The following VWC2L variants were observed in gnomAD, a reference collection of about 807,000 sequenced individuals.
VWC2L encodes the protein von Willebrand factor C domain-containing protein 2-like.
In VWC2L, 10 loss-of-function variants were observed where a neutral mutation model predicts 21.6. The ratio of observed to expected loss-of-function variants is 0.46; its 90% confidence interval spans 0.29 to 0.78. VWC2L has a LOEUF of 0.78. VWC2L is among the 30% of genes least tolerant of loss of function. The pLI is 0.10. For missense variants in VWC2L, 209 were observed against 277.1 expected, an observed-to-expected ratio of 0.75 and a Z score of 1.74; for synonymous variants, 96 against 94.3, an observed-to-expected ratio of 1.02 and a Z score of -0.10.
chr2:214,475,852 G>A (rs747137880), intron 3 of VWC2L, among the ~76,000 whole-genome samples: 1 of 152,066 alleles, frequency 6.6e-6, no homozygotes, highest in Non-Finnish European at 1.5e-5. Context: ...AGAAGTAACT[G>A]ATTGCAAAGG....
At chr2:214,438,347 A>G (rs973125934) in intron 3 of VWC2L, among the ~76,000 whole-genome samples, 5 of 152,022 alleles carry the variant, frequency 3.3e-5, no homozygotes, top group East Asian at 1.9e-4. Context: ...TACCTAATCA[A>G]TCTTTAAAAA....
intron 3 of VWC2L, among the ~76,000 whole-genome samples, chr2:214,535,878 CA>C (rs1689519535): frequency 6.6e-6 from 1 of 151,968 alleles, no homozygotes; most frequent in Non-Finnish European, 1.5e-5. Context: ...CCTTATAAGG[CA>C]GGCAATATAT....
intron 3 of VWC2L, among the ~76,000 whole-genome samples, chr2:214,560,458 G>A (rs542784070): frequency 6.6e-6 from 1 of 152,248 alleles, no homozygotes; most frequent in Non-Finnish European, 1.5e-5. Context: ...GTGAGAACAT[G>A]ACTTCCATTG....
chr2:214,428,814 C>CAA (rs11431112), intron 2 of VWC2L, among the ~76,000 whole-genome samples: 2,737 of 98,086 alleles, frequency 0.028, 123 homozygotes, highest in East Asian at 0.13. Context: ...CAGACAGTGG[C>CAA]AAAAAAAAAA....
Position 214,576,588 on chromosome 2 carries a change from A to G in VWC2L, c.*768A>G, listed in dbSNP as rs1329173732. The G allele has an allele frequency of 1.3e-5, 2 of 152,214 alleles. No homozygotes were observed. The highest frequency in any genetic ancestry group is 4.8e-5 in the African/African-American group (2 of 41,462). The allele number at this position is 152,214 out of a possible 1,614,324, so 9.4% of individuals were successfully genotyped here. On this transcript the variant is annotated 3_prime_UTR_variant, in exon 4 of 4. Coordinates refer to ENST00000312504, the MANE Select transcript of VWC2L (RefSeq NM_001080500.4). ...TCAACTAAAGAATCCAAAGAGAGAC[A>G]GATCTTTAAAATTGTAGCATTAATC...
chr2:214,497,088 G>A (rs1308064216), intron 3 of VWC2L, among the ~76,000 whole-genome samples: 1 of 152,108 alleles, frequency 6.6e-6, no homozygotes, highest in Non-Finnish European at 1.5e-5. Flanking sequence ...ATTTCAAAAG[G>A]TTGAATAAGC....
chr2:214,565,789 A>G (rs192414733), intron 3 of VWC2L, among the ~76,000 whole-genome samples: 1 of 152,302 alleles, frequency 6.6e-6, no homozygotes, highest in African/African-American at 2.4e-5. Flanking sequence ...AGTGCTTTGC[A>G]TATGTGAATT....
chr2:214,528,538 A>G (rs998634307), intron 3 of VWC2L, among the ~76,000 whole-genome samples: 2 of 152,140 alleles, frequency 1.3e-5, no homozygotes, highest in African/African-American at 2.4e-5. Context: ...AACTATTCTT[A>G]ATATGCCATT....
intron 3 of VWC2L, among the ~76,000 whole-genome samples, chr2:214,496,261 A>G (rs771792748): frequency 1.9e-4 from 19 of 97,620 alleles, no homozygotes; most frequent in Non-Finnish European, 3.2e-4. Context: ...GACAACTCTC[A>G]TATAAGTAAC....
intron 3 of VWC2L, among the ~76,000 whole-genome samples, chr2:214,518,619 T>G (rs62199885): frequency 0.36 from 54,024 of 152,020 alleles, 11,179 homozygotes; most frequent in South Asian, 0.48. Flanking sequence ...TCCCCCTTCC[T>G]TGTCCTTCAA....
At chr2:214,413,455 C>G (rs1702307042) in intron 1 of VWC2L, among the ~76,000 whole-genome samples, 1 of 151,964 alleles carries the variant, frequency 6.6e-6, no homozygotes, top group African/African-American at 2.4e-5. Context: ...TTCAAATTTT[C>G]TTTCTCTTAA....
intron 3 of VWC2L, among the ~76,000 whole-genome samples, chr2:214,440,815 T>C (rs1248878107): frequency 6.6e-6 from 1 of 152,172 alleles, no homozygotes; most frequent in Admixed American, 6.5e-5. Context: ...AAATAAAATA[T>C]GTAGTCAGTT....
At chr2:214,503,627 G>A (rs554439352) in intron 3 of VWC2L, among the ~76,000 whole-genome samples, 1 of 151,982 alleles carries the variant, frequency 6.6e-6, no homozygotes, top group South Asian at 2.1e-4. Context: ...TTGTTGAGTA[G>A]GGCTAGAATA....
At chr2:214,568,069 T>C (rs1690096200) in intron 3 of VWC2L, among the ~76,000 whole-genome samples, 1 of 152,208 alleles carries the variant, frequency 6.6e-6, no homozygotes, top group South Asian at 2.1e-4. Context: ...ATGTGAGGGC[T>C]GAAATTTAAA....
intron 1 of VWC2L, among the ~76,000 whole-genome samples, chr2:214,412,739 C>G (rs1035071278): frequency 6.6e-6 from 1 of 151,922 alleles, no homozygotes; most frequent in Non-Finnish European, 1.5e-5. Flanking sequence ...TATGAAGTTT[C>G]CTAATGTCAT....
At chr2:214,465,161 G>T (rs1703198077) in intron 3 of VWC2L, among the ~76,000 whole-genome samples, 1 of 152,114 alleles carries the variant, frequency 6.6e-6, no homozygotes, top group African/African-American at 2.4e-5. Flanking sequence ...GCCTGACAAA[G>T]TCCCCTTTAC....
intron 2 of VWC2L, among the ~76,000 whole-genome samples, chr2:214,421,563 T>G (rs75640551): frequency 1.9e-3 from 290 of 152,210 alleles, no homozygotes; most frequent in African/African-American, 6.8e-3. Flanking sequence ...CGTGTGCACA[T>G]TGGGAGATCG....
chr2:214,537,977 C>T (rs1251194129), intron 3 of VWC2L, among the ~76,000 whole-genome samples: 1 of 147,424 alleles, frequency 6.8e-6, no homozygotes, highest in Non-Finnish European at 1.5e-5. Context: ...TATATCATCA[C>T]ACATGCTCAT....
chr2:214,474,029 T>C (rs1688458279), intron 3 of VWC2L, among the ~76,000 whole-genome samples: 1 of 152,122 alleles, frequency 6.6e-6, no homozygotes, highest in African/African-American at 2.4e-5. Context: ...AAAGATGTCA[T>C]GGCAGTCTTA....
Sources: allele counts gnomAD v4.1 joint callset (sites outside exome capture counted in the v4.1 genomes callset), GRCh38; gene constraint gnomAD v4.1.1; transcripts MANE v1.5; gene names NCBI Gene and HGNC (gene_info 2026-07-23, HGNC 2026-07-21).